The following PITPNM2 variants were observed in gnomAD, a reference collection of about 807,000 sequenced individuals.
PITPNM2 encodes the protein phosphatidylinositol transfer protein membrane associated 2, also known as membrane-associated phosphatidylinositol transfer protein 2.
PITPNM2 carries 35 observed loss-of-function variants against 132.2 expected under a neutral mutation model. The observed-to-expected ratio is 0.26, with a 90% CI of 0.20 to 0.35. The LOEUF (loss-of-function observed/expected upper bound fraction) is 0.35. Ranked by LOEUF, PITPNM2 falls within the 10% of genes least tolerant of loss-of-function variation. PITPNM2 has a pLI of 1.00. For synonymous variants in PITPNM2, 738 were observed against 799.2 expected (o/e 0.92, Z 1.29); for missense variants, 1,332 against 1,912.0 (o/e 0.70, Z 5.66).
At chr12:122,986,619 G>T in intron 24 of PITPNM2, 27 bp downstream of exon 24, 1 of 1,606,888 alleles carries the variant, frequency 6.2e-7, no homozygotes. Context: ...CCCCACCCCT[G>T]CCCTGCCCCA....
chr12:123,033,174 C>T (rs778378996), intron 3 of PITPNM2, among the ~76,000 whole-genome samples: 1 of 152,252 alleles, frequency 6.6e-6, no homozygotes, highest in Admixed American at 6.5e-5. Flanking sequence ...GCAAGCCCCA[C>T]TGGGTCACAG....
At chr12:123,147,936 C>T (rs2043651440) in intron 1 of PITPNM2, among the ~76,000 whole-genome samples, 1 of 152,196 alleles carries the variant, frequency 6.6e-6, no homozygotes, top group African/African-American at 2.4e-5. Flanking sequence ...TCCCCACTTT[C>T]CTTTTCATTA....
chr12:123,062,456 C>T (rs2041272535), intron 2 of PITPNM2, among the ~76,000 whole-genome samples: 1 of 152,104 alleles, frequency 6.6e-6, no homozygotes, highest in African/African-American at 2.4e-5. Flanking sequence ...GCATTGCCCA[C>T]TTAGCTCCAG....
intron 2 of PITPNM2, among the ~76,000 whole-genome samples, chr12:123,049,192 C>G (rs1033840187): frequency 5.9e-5 from 9 of 152,062 alleles, no homozygotes; most frequent in Admixed American, 2.6e-4. Context: ...CTGACAGGAG[C>G]CACAGTGGAG....
intron 1 of PITPNM2, among the ~76,000 whole-genome samples, chr12:123,145,890 TG>T (rs1322801993): frequency 7.2e-5 from 11 of 152,212 alleles, no homozygotes; most frequent in African/African-American, 2.6e-4. Context: ...AGCAAAGACA[TG>T]GAATCAACCT....
intron 2 of PITPNM2, among the ~76,000 whole-genome samples, chr12:123,100,779 C>G (rs2137224963): frequency 6.6e-6 from 1 of 152,326 alleles, no homozygotes; most frequent in South Asian, 2.1e-4. Flanking sequence ...AAGGCATTAG[C>G]CATTCTTCTT....
chr12:123,021,289 G>A (rs1014953230), intron 3 of PITPNM2, among the ~76,000 whole-genome samples: 12 of 152,124 alleles, frequency 7.9e-5, no homozygotes, highest in African/African-American at 2.7e-4. Flanking sequence ...GGCCACAGGG[G>A]CCCCAGCCCT....
At chr12:123,074,755 A>G (rs1592993738) in intron 2 of PITPNM2, among the ~76,000 whole-genome samples, 1 of 152,304 alleles carries the variant, frequency 6.6e-6, no homozygotes, top group Admixed American at 6.5e-5. Flanking sequence ...GAAAGCCAGC[A>G]CCCAGAGGCT....
chr12:123,079,964 CTCTG>C (rs1196086065), intron 2 of PITPNM2, among the ~76,000 whole-genome samples: 1 of 152,200 alleles, frequency 6.6e-6, no homozygotes, highest in African/African-American at 2.4e-5. Flanking sequence ...CCAATCTACT[CTCTG>C]TCTGTCTCTA....
intron 1 of PITPNM2, among the ~76,000 whole-genome samples, chr12:123,118,367 A>G (rs762796978): frequency 2.6e-5 from 4 of 152,178 alleles, no homozygotes; most frequent in African/African-American, 7.2e-5. Context: ...ACATAGGCTC[A>G]CCACATTTTC....
rs1313019508 is a variant in PITPNM2 at position 123,083,545 on chromosome 12, C to G, written c.-96+26840G>C. On this transcript the variant is annotated intron_variant, in intron 2 of 25. Coordinates refer to ENST00000320201, the MANE Select transcript of PITPNM2 (RefSeq NM_020845.3). This position sits in a 1 kb window ranked among gnomAD's most constrained non-coding sequence, Gnocchi z 4.5. ...GCAGGACGCCCCACTTGATGGTAGG[C>G]TTCTCCCAGATGGCTAACTGCTTCG... 6.6e-6 allele frequency: 1 copy of G among 152,244 alleles called. No individual in the cohort carries two copies. The highest frequency in any genetic ancestry group is 2.4e-5 in the African/African-American group (1 of 41,460). 9.4% of individuals were successfully genotyped at this position (152,244 alleles called of 1,614,324 possible).
At chr12:123,030,668 G>A (rs769813938) in intron 3 of PITPNM2, among the ~76,000 whole-genome samples, 81 of 151,710 alleles carry the variant, frequency 5.3e-4, no homozygotes, top group Non-Finnish European at 1.1e-3. Context: ...ACTCCACCCT[G>A]GGCGACAGAG....
intron 3 of PITPNM2, among the ~76,000 whole-genome samples, chr12:123,018,030 T>TC (rs2039504643): frequency 8.0e-6 from 1 of 125,054 alleles, no homozygotes; most frequent in Non-Finnish European, 1.6e-5. Flanking sequence ...CTTCCTTCCT[T>TC]CCTTCCTCCC....
intron 2 of PITPNM2, among the ~76,000 whole-genome samples, chr12:123,100,952 G>A (rs1344134005): frequency 6.6e-6 from 1 of 152,088 alleles, no homozygotes; most frequent in African/African-American, 2.4e-5. Context: ...ATCATTCCAC[G>A]TGCCCCATTC....
rs76573394 is a variant in PITPNM2 at position 123,031,864 on chromosome 12, C to T, written c.78+2649G>A. ...CCCAGAAGGTGCACAGGGAAAGGCTCTGGAAGCTCAGAGGAGCAGCAATGA... is the reference window on the plus strand; with the variant it reads ...CCCAGAAGGTGCACAGGGAAAGGCTTTGGAAGCTCAGAGGAGCAGCAATGA... On this transcript the variant is annotated intron_variant, in intron 3 of 25. Transcript: ENST00000320201. The surrounding 1 kb of genome is among the most constrained non-coding windows in gnomAD (Gnocchi z 4.5). Among the ~76,000 whole-genome samples the T allele has an allele frequency of 0.017, 2,535 of 152,326 alleles. 36 individuals carry two copies. Among genetic ancestry groups the T allele is most frequent in the Non-Finnish European group, 0.027 (1,853 of 68,034 alleles).
At chr12:123,017,061 A>G (rs2039455962) in intron 3 of PITPNM2, among the ~76,000 whole-genome samples, 1 of 149,748 alleles carries the variant, frequency 6.7e-6, no homozygotes. Context: ...AAAAAAAAGA[A>G]AAAAAAAGAA....
intron 5 of PITPNM2, 21 bp downstream of exon 5, chr12:123,012,592 G>C: frequency 1.2e-6 from 2 of 1,613,708 alleles, no homozygotes; most frequent in South Asian, 1.1e-5. Flanking sequence ...AGCCCTGTGG[G>C]GCTCTGCCCT....
chr12:123,040,354 T>C (rs572631853), intron 2 of PITPNM2, among the ~76,000 whole-genome samples: 57 of 152,284 alleles, frequency 3.7e-4, no homozygotes, highest in Middle Eastern at 3.4e-3. Flanking sequence ...GATGAAATAG[T>C]ACACTTAAAA....
chr12:123,137,952 G>A (rs912193246), intron 1 of PITPNM2, among the ~76,000 whole-genome samples: 1 of 151,802 alleles, frequency 6.6e-6, no homozygotes, highest in Non-Finnish European at 1.5e-5. Context: ...GCAACTGTCA[G>A]TGGTCACTTA....
Sources: gnomAD v4.1 joint callset for allele counts (sites outside exome capture counted in the v4.1 genomes callset) on GRCh38, gnomAD v4.1.1 for gene constraint, Gnocchi (gnomAD v3.1) non-coding constraint, MANE v1.5 for transcripts, NCBI Gene and HGNC (gene_info 2026-07-23, HGNC 2026-07-21) for gene names.